Variants in ITPR3 observed in about 807,000 individuals in gnomAD.
ITPR3 encodes the protein inositol 1,4,5-trisphosphate receptor type 3.
Under a neutral mutation model 293.2 loss-of-function variants are expected in ITPR3, and 173 were observed. That is an observed-to-expected ratio of 0.59 (90% CI 0.52 to 0.67). The LOEUF is 0.67. Ranked by LOEUF, ITPR3 falls within the 30% of genes least tolerant of loss-of-function variation. The pLI is 0.00. For synonymous variants in ITPR3, 1,295 were observed against 1,444.4 expected (o/e 0.90, Z 2.35); for missense variants, 2,796 against 3,592.1 (o/e 0.78, Z 5.66).
At chr6:33,680,820 CTTTT>C (rs747753235) in intron 33 of ITPR3, 140 bp downstream of exon 33, 1,128 of 567,748 alleles carry the variant, frequency 2.0e-3, no homozygotes, top group East Asian at 2.8e-3. Context: ...TATTGGTTAT[CTTTT>C]TTTTTTTTTT....
At position 33,688,799 on chromosome 6, in the gene ITPR3, G is replaced by A. The variant is rs1478092783; in HGVS notation, c.6694+18G>A. ...GTCCACAGGTGAGAACACAGGGCTG[G>A]CCGGCAGGTTCCCCGGGCCCTGCCA... On this transcript the variant is annotated intron_variant, in intron 49 of 57. Transcript: ENST00000605930. The A allele has an allele frequency of 1.9e-6, 3 of 1,614,042 alleles. No individual in the cohort carries two copies. Among genetic ancestry groups the A allele is most frequent in the South Asian group, 1.1e-5 (1 of 91,074 alleles).
chr6:33,693,759 C>T (rs1230206155), intron 56 of ITPR3, 54 bp downstream of exon 56: 30 of 1,589,160 alleles, frequency 1.9e-5, no homozygotes, highest in Non-Finnish European at 1.4e-5. Flanking sequence ...ATTCTAGAGT[C>T]ATCACTGTGC....
rs1765420428 is a variant in ITPR3 at position 33,692,436 on chromosome 6, G to A, written c.7459-292G>A. On this transcript the variant is annotated intron_variant, in intron 54 of 57. Transcript: ENST00000605930. This position sits in a 1 kb window ranked among gnomAD's most constrained non-coding sequence, Gnocchi z 4.2. ...TCAATGTTAGGGGCAGAGACACACC[G>A]AGACTCGTAGCCCTACCTCCCCGCC... is the stretch of plus-strand genomic sequence containing the variant. Among the ~76,000 whole-genome samples, 1 of 152,084 alleles carries A rather than the reference G, an allele frequency of 6.6e-6. No individual in the cohort carries two copies. The highest frequency in any genetic ancestry group is 6.5e-5 in the Admixed American group (1 of 15,274).
chr6:33,637,788 C>A (rs1307026502), intron 1 of ITPR3, among the ~76,000 whole-genome samples: 4 of 151,540 alleles, frequency 2.6e-5, no homozygotes, highest in African/African-American at 4.9e-5. Context: ...TGTGCCACCA[C>A]ACCCGGCTAA....
chr6:33,644,662 G>GTTT (rs61492756), intron 2 of ITPR3, among the ~76,000 whole-genome samples: 14 of 124,352 alleles, frequency 1.1e-4, no homozygotes, highest in Non-Finnish European at 1.5e-4. Flanking sequence ...CACAATATAG[G>GTTT]TTTTTTTTTT....
chr6:33,663,657 G>T, intron 10 of ITPR3, 81 bp from the exon 11 acceptor site: 1 of 1,607,672 alleles, frequency 6.2e-7, no homozygotes. Context: ...GGAGACAGAT[G>T]GGATCTCAGG....
rs1764563053 is a variant in ITPR3, at chr6:33,664,682, T to C, written c.1149-188T>C. Among the ~76,000 whole-genome samples the C allele has an allele frequency of 6.6e-6, 1 of 152,156 alleles. No individual in the cohort carries two copies. The highest frequency in any genetic ancestry group is 2.1e-4 in the South Asian group (1 of 4,834). ...TCAGGACGGGGCCTGGGCGCAGGGC[T>C]AGCTCTGGCTGTTCTTATCTGGCTT... On this transcript the variant is annotated intron_variant, in intron 11 of 57. Transcript: ENST00000605930. The surrounding 1 kb of genome is among the most constrained non-coding windows in gnomAD (Gnocchi z 4.4).
chr6:33,685,117 G>A (rs1490290915), intron 39 of ITPR3, among the ~76,000 whole-genome samples, 174 bp downstream of exon 39: 2 of 152,192 alleles, frequency 1.3e-5, no homozygotes, highest in African/African-American at 4.8e-5. Context: ...TGAGGAGACG[G>A]GCTCAGGCCT....
At chr6:33,689,494 G>A in intron 50 of ITPR3, 84 bp downstream of exon 50, 1 of 1,475,818 alleles carries the variant, frequency 6.8e-7, no homozygotes, top group Non-Finnish European at 9.2e-7. Flanking sequence ...CTGCTTCCAG[G>A]AGCCACTGCT....
chr6:33,660,213 G>A (rs191767826), intron 7 of ITPR3, among the ~76,000 whole-genome samples: 1 of 152,032 alleles, frequency 6.6e-6, no homozygotes, highest in Non-Finnish European at 1.5e-5. Flanking sequence ...GGGTGTAGAC[G>A]GTCTTGAGGG....
In ITPR3 at chr6:33,663,869, T is replaced by C. The variant is rs776614410; in HGVS notation, c.1137T>C (p.Ser379=). 3.2e-5 allele frequency: 51 copies of C among 1,614,024 alleles called. No homozygotes were observed. The East Asian group carries it at 9.8e-4, about 31-fold the overall frequency. The change falls in exon 11 of 58, where the codon TCT becomes TCC. Residue 379 remains serine, a synonymous_variant. Coordinates refer to ENST00000605930, the MANE Select transcript of ITPR3 (RefSeq NM_002224.4). The stretch of plus-strand genomic sequence containing the variant: ...CCACCACCTTGCAGAAAACCGACTC[T>C]TTCGTGCCCCGGTGGGTATGCGCCA... The part of the protein sequence containing the change: ...LDPTTLQKTD[S]FVPRNSYVRL...
At chr6:33,674,177 A>C (rs767522514) in intron 23 of ITPR3, 31 bp from the exon 24 acceptor site, 1 of 1,613,428 alleles carries the variant, frequency 6.2e-7, no homozygotes, top group Non-Finnish European at 8.5e-7. Flanking sequence ...CTGGGCCTAC[A>C]ATCTGCTTCC....
At position 33,695,798 on chromosome 6, in the gene ITPR3, C is replaced by A. The variant is rs937035640; in HGVS notation, c.*18C>A. 1 of 1,613,074 alleles carries A rather than the reference C, an allele frequency of 6.2e-7. No homozygotes were observed. Among genetic ancestry groups the A allele is most frequent in the Non-Finnish European group, 8.5e-7 (1 of 1,179,160 alleles). On this transcript the variant is annotated 3_prime_UTR_variant, in exon 58 of 58. Transcript: ENST00000605930. ...GCCGCTGAGGAGAGCCACCGAAGGC[C>A]CCAACAGGGGATGCTCATCACTGGA...
At position 33,691,475 on chromosome 6, in the gene ITPR3, C is replaced by T. The variant is rs1765387508; in HGVS notation, c.7226-140C>T. 2 of 708,414 alleles carry T rather than the reference C, an allele frequency of 2.8e-6. No homozygotes were observed. Among genetic ancestry groups the T allele is most frequent in the Non-Finnish European group, 4.8e-6 (2 of 414,572 alleles). 43.9% of individuals were successfully genotyped at this position (708,414 alleles called of 1,614,324 possible). ...CCAGTCGGGGGCAGAAGCGTGATGA[C>T]CCTTCACTGTGGCTGGACAGTGGAG... is the stretch of plus-strand genomic sequence containing the variant. On this transcript the variant is annotated intron_variant, in intron 52 of 57. Coordinates refer to ENST00000605930, the MANE Select transcript of ITPR3 (RefSeq NM_002224.4). This position sits in a 1 kb window ranked among gnomAD's most constrained non-coding sequence, Gnocchi z 4.9.
intron 1 of ITPR3, among the ~76,000 whole-genome samples, chr6:33,631,711 G>GTT (rs914494800): frequency 9.2e-5 from 14 of 152,264 alleles, no homozygotes; most frequent in Admixed American, 2.0e-4. Flanking sequence ...GGAGCAGAGT[G>GTT]TTCCCCAACT....
chr6:33,665,317 G>C (rs1764582226), intron 13 of ITPR3, 104 bp downstream of exon 13: 1 of 1,446,854 alleles, frequency 6.9e-7, no homozygotes, highest in African/African-American at 1.4e-5. Flanking sequence ...AAACTGGGGA[G>C]AGAGTAGGGG....
At position 33,692,677 on chromosome 6, in the gene ITPR3, C is replaced by A. The variant is rs746933117; in HGVS notation, c.7459-51C>A. 2 of 1,586,354 alleles carry A rather than the reference C, an allele frequency of 1.3e-6. No individual in the cohort carries two copies. The highest frequency in any genetic ancestry group is 2.2e-5 in the South Asian group (2 of 88,894). On this transcript the variant is annotated intron_variant, in intron 54 of 57. Transcript: ENST00000605930. This position sits in a 1 kb window ranked among gnomAD's most constrained non-coding sequence, Gnocchi z 4.2. ...CCCCAACCTGAGTCCTATCTTGCCC[C>A]AGTGAATGTGGGGACCACCGGGCCC... is the stretch of plus-strand genomic sequence containing the variant.
At position 33,678,661 on chromosome 6, in the gene ITPR3, A is replaced by G; in HGVS notation, c.3794A>G (p.Gln1265Arg). 1 of 1,612,918 alleles carries G rather than the reference A, an allele frequency of 6.2e-7. No individual in the cohort carries two copies. Among genetic ancestry groups the G allele is most frequent in the East Asian group, 2.2e-5 (1 of 44,866 alleles). Residue 1265 changes from glutamine (Q) to arginine (R), a missense_variant, in exon 30 of 58, where the codon CAG becomes CGG. Around this residue, in one of 8 missense-constraint regions of ITPR3, gnomAD observed 344 missense variants for 460.3 expected, o/e 0.75. Coordinates refer to ENST00000605930, the MANE Select transcript of ITPR3 (RefSeq NM_002224.4). ...CAGCTCCTGGAGGCAGAGACCATGCAGCACATCTTCCTGAACAACTATCAG... is the reference window on the plus strand; with the variant it reads ...CAGCTCCTGGAGGCAGAGACCATGCGGCACATCTTCCTGAACAACTATCAG... ...TPGLLEAETM[Q>R]HIFLNNYQLC... is the part of the protein sequence containing the mutation.
chr6:33,660,810 T>A (rs1764443757), intron 7 of ITPR3, among the ~76,000 whole-genome samples: 1 of 152,090 alleles, frequency 6.6e-6, no homozygotes, highest in African/African-American at 2.4e-5. Context: ...GCACCTGTAG[T>A]CCCAGCTACT....
Sources: allele counts gnomAD v4.1 joint callset (sites outside exome capture counted in the v4.1 genomes callset), GRCh38; gene constraint gnomAD v4.1.1; regional missense constraint gnomAD v4.1.1; non-coding constraint Gnocchi (gnomAD v3.1); transcripts MANE v1.5; gene names NCBI Gene and HGNC (gene_info 2026-07-23, HGNC 2026-07-21).